PRKD3: variants seen among roughly 807,000 people sequenced by gnomAD.
The protein encoded by PRKD3 is protein kinase D3, also known as serine/threonine-protein kinase D3.
Under a neutral mutation model 99.2 loss-of-function variants are expected in PRKD3, and 47 were observed. The observed-to-expected ratio is 0.47, with a 90% CI of 0.38 to 0.60. The LOEUF (loss-of-function observed/expected upper bound fraction) is 0.60, where lower values mean the gene tolerates loss of function less well. PRKD3 is among the 20% of genes least tolerant of loss of function. PRKD3 has a pLI of 0.00. For missense variants in PRKD3, 1,019 were observed against 1,088.4 expected, an observed-to-expected ratio of 0.94 and a Z score of 0.90; for synonymous variants, 392 against 355.4, an observed-to-expected ratio of 1.10 and a Z score of -1.16.
At chr2:37,265,105 G>A (rs1668748195) in intron 14 of PRKD3, among the ~76,000 whole-genome samples, 1 of 152,092 alleles carries the variant, frequency 6.6e-6, no homozygotes, top group South Asian at 2.1e-4. Flanking sequence ...GGTATCAACA[G>A]CAGGATGAAC....
intron 14 of PRKD3, among the ~76,000 whole-genome samples, chr2:37,261,638 G>T (rs957240032): frequency 1.3e-5 from 2 of 151,784 alleles, no homozygotes; most frequent in African/African-American, 4.9e-5. Context: ...AAATTAGCCG[G>T]GTGTGGTGGC....
At chr2:37,285,848 TC>T (rs1670067455) in intron 6 of PRKD3, among the ~76,000 whole-genome samples, 1 of 152,134 alleles carries the variant, frequency 6.6e-6, no homozygotes, top group Non-Finnish European at 1.5e-5. Context: ...TTACTAGTAC[TC>T]CTATTACTAT....
chr2:37,273,756 G>T (rs1273334037), intron 11 of PRKD3, among the ~76,000 whole-genome samples: 2 of 152,204 alleles, frequency 1.3e-5, no homozygotes, highest in African/African-American at 4.8e-5. Context: ...TCAAATGAAT[G>T]ACTTATGTGT....
In PRKD3 at chr2:37,316,369, G is replaced by A; in HGVS notation, c.156C>T (p.Asn52=). 6.2e-7 allele frequency: 1 copy of A among 1,614,230 alleles called. No individual in the cohort carries two copies. The highest frequency in any genetic ancestry group is 8.5e-7 in the Non-Finnish European group (1 of 1,180,038). The change falls in exon 2 of 19, where the codon AAC becomes AAT. Residue 52 remains asparagine, a synonymous_variant. Transcript: ENST00000234179. ...AAACTGTATGCACTGAGCCTCTGGA[G>A]TTGGTGAGTGATGGTGCACTGAAGC... The part of the protein sequence containing the change: ...NGSFSAPSLT[N]SRGSVHTVSF...
At chr2:37,308,354 G>A (rs1023597793) in intron 2 of PRKD3, among the ~76,000 whole-genome samples, 26 of 152,224 alleles carry the variant, frequency 1.7e-4, no homozygotes, top group African/African-American at 5.5e-4. Context: ...AGGTTTGATA[G>A]TCAATTCCAT....
At chr2:37,287,672 G>A (rs1670187641) in intron 5 of PRKD3, among the ~76,000 whole-genome samples, 2 of 152,154 alleles carry the variant, frequency 1.3e-5, no homozygotes, top group Admixed American at 6.5e-5. Flanking sequence ...TGTGTCCCTA[G>A]TATATAACAG....
chr2:37,279,652 T>G, intron 8 of PRKD3, 94 bp downstream of exon 8: 1 of 858,020 alleles, frequency 1.2e-6, no homozygotes, highest in Non-Finnish European at 1.7e-6. Flanking sequence ...TAAATTACTT[T>G]TAAGGTCCCA....
chr2:37,278,133 T>C, intron 8 of PRKD3, 144 bp from the exon 9 acceptor site: 3 of 531,570 alleles, frequency 5.6e-6, no homozygotes, highest in Non-Finnish European at 6.2e-6. Flanking sequence ...TGAAGAAAAA[T>C]TAATCCTGTT....
rs545819082 is a variant in PRKD3 at position 37,317,145 on chromosome 2, C to T, written c.-621G>A. 1.6e-5 allele frequency: 16 copies of T among 985,078 alleles called. No homozygotes were observed. The highest frequency in any genetic ancestry group is 1.2e-4 in the Admixed American group (2 of 16,278). 61.0% of individuals were successfully genotyped at this position (985,078 alleles called of 1,614,324 possible). On this transcript the variant is annotated 5_prime_UTR_variant, in exon 2 of 19. Transcript: ENST00000234179. ...TATTTCATTAGATGAATGGGTCCAT[C>T]GAGAAAAGCTGATGCTTTCTGACAT...
intron 6 of PRKD3, among the ~76,000 whole-genome samples, chr2:37,285,503 T>C (rs147703620): frequency 9.7e-4 from 148 of 152,292 alleles, no homozygotes; most frequent in African/African-American, 3.4e-3. Context: ...AGTTTTTGTA[T>C]AATTCTCCAA....
In PRKD3 at chr2:37,276,786, G is replaced by GTA. The variant is rs1396445421; in HGVS notation, c.1297-944_1297-943dup. On this transcript the variant is annotated intron_variant, in intron 9 of 18. Transcript: ENST00000234179. The stretch of plus-strand genomic sequence containing the variant: ...TAAAGTATGAGGTGTGTGTATATAT[G>GTA]TATATATACACACACACACATACAC... Among the ~76,000 whole-genome samples the GTA allele has an allele frequency of 5.4e-5, 8 of 148,288 alleles. No homozygotes were observed. The East Asian group carries it at 7.9e-4, about 15-fold the overall frequency.
At chr2:37,297,033 T>C (rs1572683259) in intron 2 of PRKD3, among the ~76,000 whole-genome samples, 1 of 151,844 alleles carries the variant, frequency 6.6e-6, no homozygotes, top group East Asian at 1.9e-4. Flanking sequence ...ACATTCATTA[T>C]GAAGAATTAT....
intron 12 of PRKD3, among the ~76,000 whole-genome samples, chr2:37,270,893 C>T (rs757476191): frequency 4.6e-5 from 7 of 152,134 alleles, no homozygotes; most frequent in Non-Finnish European, 1.0e-4. Context: ...ATTCTGAATC[C>T]TTTTCCCCCA....
At chr2:37,280,297 G>T (rs1021300965) in intron 7 of PRKD3, among the ~76,000 whole-genome samples, 2 of 151,808 alleles carry the variant, frequency 1.3e-5, no homozygotes, top group Non-Finnish European at 2.9e-5. Flanking sequence ...CACCCACTTC[G>T]GCCTCCCAAA....
At position 37,251,968 on chromosome 2, in the gene PRKD3, T is replaced by C; in HGVS notation, c.*1209A>G. 1 of 152,186 alleles carries C rather than the reference T, an allele frequency of 6.6e-6. No individual in the cohort carries two copies. The highest frequency in any genetic ancestry group is 1.9e-4 in the East Asian group (1 of 5,206). 9.4% of individuals were successfully genotyped at this position (152,186 alleles called of 1,614,324 possible). ...GTAGATGGTCCCACATCTTAAACTT[T>C]GGGGAAGATATTTAAAAATATTTTT... On this transcript the variant is annotated 3_prime_UTR_variant, in exon 19 of 19. Transcript: ENST00000234179.
Position 37,278,048 on chromosome 2 carries a change from T to C in PRKD3, c.1173-59A>G, listed in dbSNP as rs531098841. 9 of 1,430,324 alleles carry C rather than the reference T, an allele frequency of 6.3e-6. No individual in the cohort carries two copies. In the African/African-American group the frequency reaches 1.3e-4, roughly 21 times the overall value. 88.6% of individuals were successfully genotyped at this position (1,430,324 alleles called of 1,614,324 possible). A position where few individuals can be genotyped will look rare whatever the true frequency, so the allele number is the denominator to read the frequency against. On this transcript the variant is annotated intron_variant, in intron 8 of 18. Coordinates refer to ENST00000234179, the MANE Select transcript of PRKD3 (RefSeq NM_005813.6). Reference sequence around the variant, plus strand: ...GATTTTTAAAAAATCATATAAATACTGTAGGAACATGAAGCCTTTTTAAAG... The same window carrying C: ...GATTTTTAAAAAATCATATAAATACCGTAGGAACATGAAGCCTTTTTAAAG...
chr2:37,263,963 G>A (rs1283023964), intron 14 of PRKD3, among the ~76,000 whole-genome samples: 1 of 152,088 alleles, frequency 6.6e-6, no homozygotes, highest in African/African-American at 2.4e-5. Flanking sequence ...TTCCCTCTAG[G>A]TTTTTGATAA....
intron 2 of PRKD3, among the ~76,000 whole-genome samples, chr2:37,306,300 CTTCTGCA>C (rs1468094162): frequency 1.3e-5 from 2 of 152,140 alleles, no homozygotes; most frequent in Non-Finnish European, 2.9e-5. Flanking sequence ...ATTTGTCTGC[CTTCTGCA>C]TTCTCCTGAT....
rs577028984 is a variant in PRKD3 at position 37,298,414 on chromosome 2, T to A, written c.289-5143A>T. Among the ~76,000 whole-genome samples the A allele has an allele frequency of 1.3e-4, 19 of 148,750 alleles. No homozygotes were observed. In the East Asian group the frequency reaches 3.7e-3, roughly 29 times the overall value. On this transcript the variant is annotated intron_variant, in intron 2 of 18. Transcript: ENST00000234179. Reference sequence around the variant, plus strand: ...AGATCATTCCATTAACAAAGTTATTTTTTTTTTTAAAAACAGATGTATAGT... The same window carrying A: ...AGATCATTCCATTAACAAAGTTATTATTTTTTTTAAAAACAGATGTATAGT...
Sources: allele counts gnomAD v4.1 joint callset (sites outside exome capture counted in the v4.1 genomes callset), GRCh38; gene constraint gnomAD v4.1.1; transcripts MANE v1.5; gene names NCBI Gene and HGNC (gene_info 2026-07-23, HGNC 2026-07-21).